The following LPL variants were observed in gnomAD, a reference collection of about 807,000 sequenced individuals.
LPL encodes phospholipase A1.
In LPL, 43 loss-of-function variants were observed where a neutral mutation model predicts 52.2. The ratio of observed to expected loss-of-function variants is 0.82; its 90% CI spans 0.64 to 1.06. The LOEUF is 1.06. Among genes scored for constraint, LPL ranks in the 50% least tolerant of loss-of-function variants. The pLI, the probability that LPL is intolerant of heterozygous loss-of-function variation, is 0.00. For missense variants in LPL, 639 were observed against 585.3 expected (o/e 1.09, Z -0.95); for synonymous variants, 244 against 215.6 (o/e 1.13, Z -1.15).
intron 9 of LPL, among the ~76,000 whole-genome samples, chr8:19,964,760 C>A (rs2070070958): frequency 6.6e-6 from 1 of 152,110 alleles, no homozygotes; most frequent in African/African-American, 2.4e-5. Flanking sequence ...GAACTCCTAA[C>A]CTCAGGTGAT....
intron 7 of LPL, among the ~76,000 whole-genome samples, chr8:19,960,176 G>A (rs2070025422): frequency 6.6e-6 from 1 of 152,152 alleles, no homozygotes; most frequent in African/African-American, 2.4e-5. Context: ...AAAATAGCCA[G>A]TGCAGACAAG....
chr8:19,964,462 C>A (rs1313757566), intron 9 of LPL, among the ~76,000 whole-genome samples: 1 of 152,146 alleles, frequency 6.6e-6, no homozygotes, highest in Non-Finnish European at 1.5e-5. Flanking sequence ...CATTCCTTGT[C>A]TGATTATAGG....
chr8:19,962,110 C>A lies in LPL; in HGVS notation c.1323-5C>A. The A allele has an allele frequency of 6.2e-7, 1 of 1,602,656 alleles. No homozygotes were observed. The highest frequency in any genetic ancestry group is 8.5e-7 in the Non-Finnish European group (1 of 1,169,686). On this transcript the variant is annotated splice_region_variant and splice_polypyrimidine_tract_variant and intron_variant, in intron 8 of 9. Transcript: ENST00000650287. ...TGGCATATTCACATCCATTTTCTTC[C>A]ACAGGGTGATCTTCTGTTCTAGGGA...
chr8:19,955,747 TA>T, intron 5 of LPL, 93 bp from the exon 6 acceptor site: 1 of 1,499,296 alleles, frequency 6.7e-7, no homozygotes, highest in Non-Finnish European at 9.3e-7. Flanking sequence ...GATTCTACTC[TA>T]ACACCACATC....
chr8:19,939,995 C>T lies in LPL; in HGVS notation c.88+467C>T, dbSNP rs973997422. Reference sequence around the variant, plus strand: ...GCGGCTCAGCCCCCGCCCGGGGACTCGCGGGCCGACTGTGGCCCCTTCTGG... The same window carrying T: ...GCGGCTCAGCCCCCGCCCGGGGACTTGCGGGCCGACTGTGGCCCCTTCTGG... On this transcript the variant is annotated intron_variant, in intron 1 of 9. Transcript: ENST00000650287. The surrounding 1 kb of genome is among the most constrained non-coding windows in gnomAD (Gnocchi z 4.0). Among the ~76,000 whole-genome samples the T allele has an allele frequency of 2.6e-5, 4 of 152,202 alleles. No individual in the cohort carries two copies. Among genetic ancestry groups the T allele is most frequent in the Non-Finnish European group, 4.4e-5 (3 of 68,032 alleles).
rs1041764135 is a variant in LPL, at chr8:19,950,272, T to C, written c.250-1497T>C. On this transcript the variant is annotated intron_variant, in intron 2 of 9. Transcript: ENST00000650287. The surrounding 1 kb of genome is among the most constrained non-coding windows in gnomAD (Gnocchi z 4.2). Reference sequence around the variant, plus strand: ...GTCTGAAAACCAAAGATTTAAAACATAGTAATTATTGAACCTCAGAAGAAA... The same window carrying C: ...GTCTGAAAACCAAAGATTTAAAACACAGTAATTATTGAACCTCAGAAGAAA... 6.6e-6 allele frequency among the ~76,000 whole-genome samples: 1 copy of C among 152,216 alleles called. No individual in the cohort carries two copies. The highest frequency in any genetic ancestry group is 2.4e-5 in the African/African-American group (1 of 41,446).
At chr8:19,963,956 G>GTT (rs146265243) in intron 9 of LPL, among the ~76,000 whole-genome samples, 1 of 149,134 alleles carries the variant, frequency 6.7e-6, no homozygotes, top group East Asian at 2.0e-4. Flanking sequence ...GTTTGTTTTG[G>GTT]TTTTTTTTTT....
At chr8:19,945,061 T>C (rs2069871419) in intron 1 of LPL, among the ~76,000 whole-genome samples, 1 of 152,132 alleles carries the variant, frequency 6.6e-6, no homozygotes. Flanking sequence ...CCTTAATTTC[T>C]AAGGGACATG....
chr8:19,955,408 G>A (rs112738405), intron 5 of LPL, among the ~76,000 whole-genome samples: 4 of 152,190 alleles, frequency 2.6e-5, no homozygotes, highest in South Asian at 2.1e-4. Context: ...GGGTTTTGGG[G>A]GTATTAAGTG....
At chr8:19,941,358 G>A (rs950157075) in intron 1 of LPL, among the ~76,000 whole-genome samples, 4 of 152,100 alleles carry the variant, frequency 2.6e-5, no homozygotes, top group South Asian at 2.1e-4. Context: ...AACAAGCACC[G>A]AAATATGTCA....
chr8:19,962,073 G>T, intron 8 of LPL, 42 bp from the exon 9 acceptor site: 1 of 1,309,836 alleles, frequency 7.6e-7, no homozygotes, highest in South Asian at 1.2e-5. Context: ...CAGTGCTTTT[G>T]ATTGTTCTAC....
chr8:19,940,194 ACT>A (rs2069822408), intron 1 of LPL, among the ~76,000 whole-genome samples: 1 of 151,566 alleles, frequency 6.6e-6, no homozygotes. Flanking sequence ...GGAGCCCCGG[ACT>A]CTCTCCAGCT....
chr8:19,946,256 A>G (rs1193872641), intron 1 of LPL, among the ~76,000 whole-genome samples: 2 of 152,148 alleles, frequency 1.3e-5, no homozygotes, highest in African/African-American at 2.4e-5. Context: ...TGGAGTGTTT[A>G]CCCATTGTAA....
At chr8:19,940,679 C>G (rs1400168510) in intron 1 of LPL, among the ~76,000 whole-genome samples, 1 of 152,230 alleles carries the variant, frequency 6.6e-6, no homozygotes, top group East Asian at 1.9e-4. Context: ...TGGATGTGCT[C>G]TCAGGCGGCA....
At position 19,954,292 on chromosome 8, in the gene LPL, T is replaced by C; in HGVS notation, c.714T>C (p.Thr238=). The part of the protein sequence containing the change: ...GHVDIYPNGG[T]FQPGCNIGEA... ...TTGACATTTACCCGAATGGAGGTAC[T>C]TTTCAGCCAGGATGTAACATTGGAG... is the stretch of plus-strand genomic sequence containing the variant. Residue 238 remains threonine (T), a synonymous_variant, in exon 5 of 10, where the codon ACT becomes ACC. Transcript: ENST00000650287. 6.2e-7 allele frequency: 1 copy of C among 1,614,180 alleles called. No homozygotes were observed. The highest frequency in any genetic ancestry group is 1.1e-5 in the South Asian group (1 of 91,082).
At chr8:19,962,318 C>T (rs952501498) in intron 9 of LPL, 99 bp downstream of exon 9, 2 of 869,356 alleles carry the variant, frequency 2.3e-6, no homozygotes, top group Non-Finnish European at 3.9e-6. Flanking sequence ...AGCAGCTTGC[C>T]CTGACTCATG....
chr8:19,947,612 C>T (rs1719581723), intron 1 of LPL, among the ~76,000 whole-genome samples: 1 of 151,296 alleles, frequency 6.6e-6, no homozygotes, highest in Non-Finnish European at 1.5e-5. Context: ...TGGCCTGGGA[C>T]ACAGAACAAG....
intron 6 of LPL, among the ~76,000 whole-genome samples, chr8:19,956,935 T>C (rs2069991168): frequency 6.6e-6 from 1 of 152,174 alleles, no homozygotes. Context: ...ATGATTCCCC[T>C]GCCTCAGCCT....
At chr8:19,961,758 C>T (rs369640921) in intron 8 of LPL, among the ~76,000 whole-genome samples, 1 of 151,724 alleles carries the variant, frequency 6.6e-6, no homozygotes, top group East Asian at 1.9e-4. Flanking sequence ...ATCTTTTTTA[C>T]ACTAGCAATG....
Sources: gnomAD v4.1 joint callset for allele counts (sites outside exome capture counted in the v4.1 genomes callset) on GRCh38, gnomAD v4.1.1 for gene constraint, Gnocchi (gnomAD v3.1) non-coding constraint, MANE v1.5 for transcripts, NCBI Gene and HGNC (gene_info 2026-07-23, HGNC 2026-07-21) for gene names.